The following CADM2 variants were observed in gnomAD, a reference collection of about 807,000 sequenced individuals.
The protein encoded by CADM2 is immunoglobulin superfamily member 4D.
In CADM2, 12 loss-of-function variants were observed where a neutral mutation model predicts 49.8. That is an observed-to-expected ratio of 0.24 (90% CI 0.15 to 0.39). The LOEUF (loss-of-function observed/expected upper bound fraction) is 0.39. Among genes scored for constraint, CADM2 ranks in the 10% least tolerant of loss-of-function variants. The pLI is 1.00. For missense variants in CADM2, 378 were observed against 492.3 expected (o/e 0.77, Z 2.20); for synonymous variants, 214 against 175.4 (o/e 1.22, Z -1.74).
intron 1 of CADM2, among the ~76,000 whole-genome samples, chr3:85,428,346 A>G (rs2036509023): frequency 6.8e-6 from 1 of 146,234 alleles, no homozygotes; most frequent in Admixed American, 7.0e-5. Flanking sequence ...TATTATTTTC[A>G]TATATTCATA....
At chr3:85,321,757 A>C (rs1192999194) in intron 1 of CADM2, among the ~76,000 whole-genome samples, 2 of 152,196 alleles carry the variant, frequency 1.3e-5, no homozygotes, top group Non-Finnish European at 2.9e-5. Context: ...TAAGAGGAAA[A>C]GAAGCCTAAG....
intron 8 of CADM2, among the ~76,000 whole-genome samples, chr3:86,045,964 G>C (rs1047592209): frequency 6.6e-6 from 1 of 152,086 alleles, no homozygotes; most frequent in Non-Finnish European, 1.5e-5. Context: ...TGTTAGCATA[G>C]CCTCATTTTT....
rs1438498533 is a variant in CADM2 at position 85,769,396 on chromosome 3, A to G, written c.89-32651A>G. The stretch of plus-strand genomic sequence containing the variant: ...CACGTATATACATATATACATATAT[A>G]GTATATATATACACGTATATACATA... On this transcript the variant is annotated intron_variant, in intron 2 of 9. Transcript: ENST00000383699. Among the ~76,000 whole-genome samples the G allele has an allele frequency of 1.4e-3, 149 of 109,608 alleles. 3 individuals carry two copies. Among genetic ancestry groups the G allele is most frequent in the African/African-American group, 5.3e-3 (125 of 23,638 alleles). 71.9% of individuals were successfully genotyped at this position (109,608 alleles called of 152,430 possible).
At chr3:85,083,340 A>G (rs549641457) in intron 1 of CADM2, among the ~76,000 whole-genome samples, 6 of 152,308 alleles carry the variant, frequency 3.9e-5, no homozygotes, top group Middle Eastern at 3.4e-3. Flanking sequence ...CTTCAGGGAA[A>G]TTCTGATTCA....
intron 1 of CADM2, among the ~76,000 whole-genome samples, chr3:85,480,848 A>G (rs1236154272): frequency 6.6e-6 from 1 of 151,852 alleles, no homozygotes; most frequent in Non-Finnish European, 1.5e-5. Context: ...ACACAAAAAT[A>G]GAAAATAAAA....
intron 1 of CADM2, among the ~76,000 whole-genome samples, chr3:84,996,110 G>T (rs2033166144): frequency 6.6e-6 from 1 of 152,076 alleles, no homozygotes; most frequent in Non-Finnish European, 1.5e-5. Context: ...GGATTGTTTA[G>T]TTCATGAGTC....
chr3:84,959,741 T>C, intron 1 of CADM2, 73 bp downstream of exon 1: 2 of 1,357,788 alleles, frequency 1.5e-6, no homozygotes, highest in Admixed American at 4.0e-5. Flanking sequence ...ACCCCATATT[T>C]CCACTCTCCC....
intron 8 of CADM2, chr3:86,013,479 G>A (rs1731807945): frequency 1.2e-6 from 2 of 1,600,492 alleles, no homozygotes; most frequent in Non-Finnish European, 1.7e-6. Flanking sequence ...TTCTGGTGAA[G>A]AGGTTCTGAG....
chr3:85,637,298 T>C (rs531085026), intron 1 of CADM2, among the ~76,000 whole-genome samples: 2 of 152,286 alleles, frequency 1.3e-5, no homozygotes, highest in South Asian at 4.1e-4. Context: ...AAATAATTTC[T>C]TTTGAATTTA....
intron 1 of CADM2, among the ~76,000 whole-genome samples, chr3:85,195,973 A>G (rs1271955678): frequency 2.6e-5 from 4 of 152,070 alleles, no homozygotes; most frequent in Non-Finnish European, 5.9e-5. Flanking sequence ...TAATCAGACA[A>G]TTTACCCAAG....
chr3:85,191,859 G>T (rs950177997), intron 1 of CADM2, among the ~76,000 whole-genome samples: 2 of 151,972 alleles, frequency 1.3e-5, no homozygotes, highest in African/African-American at 4.8e-5. Flanking sequence ...TTCAAAGCCT[G>T]TAGTTTTCAG....
At chr3:85,293,718 G>A (rs2043869386) in intron 1 of CADM2, among the ~76,000 whole-genome samples, 1 of 147,844 alleles carries the variant, frequency 6.8e-6, no homozygotes, top group African/African-American at 2.5e-5. Context: ...TGCAGAAAAA[G>A]CCTTTGACAA....
At chr3:85,037,497 T>A (rs2035268707) in intron 1 of CADM2, among the ~76,000 whole-genome samples, 1 of 152,240 alleles carries the variant, frequency 6.6e-6, no homozygotes. Context: ...CTGTTCTTAG[T>A]TGCTTTTGCA....
chr3:86,058,351 A>G (rs746710993), intron 8 of CADM2, among the ~76,000 whole-genome samples: 1 of 152,142 alleles, frequency 6.6e-6, no homozygotes, highest in African/African-American at 2.4e-5. Context: ...TTCCTCATAA[A>G]ACTAACATTT....
chr3:85,703,028 T>G (rs1005604246), intron 1 of CADM2, among the ~76,000 whole-genome samples: 1 of 152,190 alleles, frequency 6.6e-6, no homozygotes, highest in Non-Finnish European at 1.5e-5. Flanking sequence ...CTGGGATTTT[T>G]GGTAGAAATG....
At position 85,888,344 on chromosome 3, in the gene CADM2, A is replaced by G. The variant is rs181612543; in HGVS notation, c.529+2017A>G. On this transcript the variant is annotated intron_variant, in intron 5 of 9. Coordinates refer to ENST00000383699, the MANE Select transcript of CADM2 (RefSeq NM_001167675.2). The stretch of plus-strand genomic sequence containing the variant: ...TTGGCCTCTGTTTTAAATGCCAAAC[A>G]GATTTAATCATACATTGGGCAGGAG... Among the ~76,000 whole-genome samples the G allele has an allele frequency of 4.0e-3, 615 of 152,308 alleles. 10 individuals carry two copies. The highest frequency in any genetic ancestry group is 0.013 in the African/African-American group (557 of 41,570).
chr3:85,929,355 A>G (rs1487362381), intron 6 of CADM2, among the ~76,000 whole-genome samples: 1 of 152,084 alleles, frequency 6.6e-6, no homozygotes, highest in Middle Eastern at 3.2e-3. Context: ...ATGAACAACT[A>G]TGAACCAGAA....
chr3:86,053,138 T>G (rs1314311990), intron 8 of CADM2, among the ~76,000 whole-genome samples: 1 of 152,186 alleles, frequency 6.6e-6, no homozygotes, highest in Non-Finnish European at 1.5e-5. Context: ...AAATTCTTCC[T>G]ATAACGGAGT....
intron 1 of CADM2, among the ~76,000 whole-genome samples, chr3:85,189,834 G>C (rs2041162822): frequency 6.6e-6 from 1 of 151,760 alleles, no homozygotes; most frequent in Non-Finnish European, 1.5e-5. Flanking sequence ...TCACTCAAAT[G>C]GCTGTTGGAA....
Sources: allele counts gnomAD v4.1 joint callset (sites outside exome capture counted in the v4.1 genomes callset), GRCh38; gene constraint gnomAD v4.1.1; transcripts MANE v1.5; gene names NCBI Gene and HGNC (gene_info 2026-07-23, HGNC 2026-07-21).